Variants in CSMD2 observed in about 807,000 individuals in gnomAD.
CSMD2 encodes the protein CUB and Sushi multiple domains 2, also known as CUB and sushi domain-containing protein 2.
In CSMD2, 130 loss-of-function variants were observed where a neutral mutation model predicts 398.5. That is an observed-to-expected ratio of 0.33 (90% CI 0.28 to 0.38). The LOEUF is 0.38. Ranked by LOEUF, CSMD2 falls within the 10% of genes least tolerant of loss-of-function variation. The pLI, the probability that CSMD2 is intolerant of heterozygous loss-of-function variation, is 1.00. For synonymous variants in CSMD2, 1,828 were observed against 1,908.5 expected, an observed-to-expected ratio of 0.96 and a Z score of 1.10; for missense variants, 3,829 against 4,764.9, an observed-to-expected ratio of 0.80 and a Z score of 5.78.
intron 3 of CSMD2, among the ~76,000 whole-genome samples, chr1:33,993,077 C>A (rs1052134512): frequency 6.6e-6 from 1 of 152,046 alleles, no homozygotes; most frequent in African/African-American, 2.4e-5. Flanking sequence ...ATTGTGTGCA[C>A]ATGTATGTGT....
intron 3 of CSMD2, among the ~76,000 whole-genome samples, chr1:33,941,038 G>A (rs79199277): frequency 1.4e-3 from 211 of 151,942 alleles, no homozygotes; most frequent in African/African-American, 5.0e-3. Flanking sequence ...TACTATAACC[G>A]TTCATGCTCT....
chr1:33,684,382 GAGA>G (rs920682939), intron 25 of CSMD2, among the ~76,000 whole-genome samples: 8 of 152,322 alleles, frequency 5.3e-5, no homozygotes, highest in African/African-American at 1.9e-4. Context: ...TGTCCAGAGT[GAGA>G]AGTTCTCCAC....
At chr1:34,058,023 G>A (rs941013898) in intron 2 of CSMD2, among the ~76,000 whole-genome samples, 1 of 152,164 alleles carries the variant, frequency 6.6e-6, no homozygotes, top group East Asian at 1.9e-4. Flanking sequence ...ACTAGCCTGG[G>A]AGTAGGGGCG....
rs529023527 is a variant in CSMD2 at position 33,535,815 on chromosome 1, T to C, written c.9879+1207A>G. ...CTTCGTTCAGCCAGGAATGTCACCCTGCTCTGCACAGGGCTAGCCCTTCTC... is the reference window on the plus strand; with the variant it reads ...CTTCGTTCAGCCAGGAATGTCACCCCGCTCTGCACAGGGCTAGCCCTTCTC... On this transcript the variant is annotated intron_variant, in intron 62 of 70. Coordinates refer to ENST00000373381, the MANE Select transcript of CSMD2 (RefSeq NM_001281956.2). Among the ~76,000 whole-genome samples, 10 of 152,356 alleles carry C rather than the reference T, an allele frequency of 6.6e-5. No homozygotes were observed. In the East Asian group the frequency reaches 1.5e-3, roughly 23 times the overall value.
At chr1:34,001,114 T>C (rs1395591099) in intron 3 of CSMD2, among the ~76,000 whole-genome samples, 1 of 151,748 alleles carries the variant, frequency 6.6e-6, no homozygotes, top group Non-Finnish European at 1.5e-5. Context: ...ATCTGAAAAC[T>C]CAACTCATGA....
At chr1:33,646,918 A>T in intron 28 of CSMD2, 83 bp from the exon 29 acceptor site, 3 of 1,348,272 alleles carry the variant, frequency 2.2e-6, no homozygotes, top group Non-Finnish European at 3.0e-6. Context: ...ACCAAAGCAT[A>T]GGGCCTCCCA....
Position 33,611,266 on chromosome 1 carries a change from AG to A in CSMD2, c.6134-17del, listed in dbSNP as rs761337346. ...ATGTGAGCTCCTGGGAGCAAGACAG[AG>A]GCAGACAGTGCCCAAAGCAACACAG... On this transcript the variant is annotated splice_polypyrimidine_tract_variant and intron_variant, in intron 40 of 70. Coordinates refer to ENST00000373381, the MANE Select transcript of CSMD2 (RefSeq NM_001281956.2). The A allele has an allele frequency of 6.2e-7, 1 of 1,608,686 alleles. No homozygotes were observed. Among genetic ancestry groups the A allele is most frequent in the Non-Finnish European group, 8.5e-7 (1 of 1,175,874 alleles).
At chr1:34,082,216 G>C (rs1402397980) in intron 2 of CSMD2, among the ~76,000 whole-genome samples, 4 of 151,254 alleles carry the variant, frequency 2.6e-5, no homozygotes, top group Non-Finnish European at 5.9e-5. Flanking sequence ...CCCCGTCTGG[G>C]AAGTGAGGAG....
At chr1:34,005,690 C>T (rs904887171) in intron 3 of CSMD2, among the ~76,000 whole-genome samples, 1 of 152,206 alleles carries the variant, frequency 6.6e-6, no homozygotes, top group African/African-American at 2.4e-5. Context: ...TATAGGTCTC[C>T]TAGCACTGGA....
intron 5 of CSMD2, among the ~76,000 whole-genome samples, chr1:33,912,856 G>A (rs898759517): frequency 2.0e-5 from 3 of 151,804 alleles, no homozygotes; most frequent in Non-Finnish European, 4.4e-5. Flanking sequence ...TCTGTCTCCC[G>A]GGCTGGAGTA....
At chr1:33,745,409 A>G (rs1016593133) in intron 13 of CSMD2, among the ~76,000 whole-genome samples, 8 of 152,374 alleles carry the variant, frequency 5.3e-5, no homozygotes, top group African/African-American at 1.9e-4. Flanking sequence ...ATTTAAGTCC[A>G]TTTATAACAT....
At chr1:33,650,634 T>C (rs1013136795) in intron 28 of CSMD2, among the ~76,000 whole-genome samples, 3 of 152,166 alleles carry the variant, frequency 2.0e-5, no homozygotes, top group East Asian at 1.9e-4. Context: ...TTTGGGCCTT[T>C]ATTATAAGCA....
Position 33,767,476 on chromosome 1 carries a change from A to G in CSMD2, c.1846+5093T>C, listed in dbSNP as rs189419452. Reference sequence around the variant, plus strand: ...GAGATAGAGTTACAGCACATTATATAGGGCATGACACCATGAGATTGTCCC... The same window carrying G: ...GAGATAGAGTTACAGCACATTATATGGGGCATGACACCATGAGATTGTCCC... On this transcript the variant is annotated intron_variant, in intron 13 of 70. Transcript: ENST00000373381. 2.2e-4 allele frequency among the ~76,000 whole-genome samples: 34 copies of G among 152,302 alleles called. No individual in the cohort carries two copies. In the East Asian group the frequency reaches 6.6e-3, roughly 29 times the overall value.
At chr1:34,141,089 C>T (rs1463459290) in intron 1 of CSMD2, among the ~76,000 whole-genome samples, 1 of 152,124 alleles carries the variant, frequency 6.6e-6, no homozygotes, top group Non-Finnish European at 1.5e-5. Context: ...CCCCTGAAAA[C>T]TACCTGCTCC....
chr1:34,006,976 G>A (rs1298409074), intron 3 of CSMD2, among the ~76,000 whole-genome samples: 1 of 152,020 alleles, frequency 6.6e-6, no homozygotes, highest in Non-Finnish European at 1.5e-5. Flanking sequence ...TCTCTCCCGG[G>A]GCAGAATGCT....
intron 6 of CSMD2, among the ~76,000 whole-genome samples, chr1:33,840,846 T>G (rs1660777424): frequency 6.6e-6 from 1 of 152,144 alleles, no homozygotes; most frequent in South Asian, 2.1e-4. Flanking sequence ...CTGGAAAGTT[T>G]AGCAGATCAG....
chr1:34,003,896 T>C (rs981656901), intron 3 of CSMD2, among the ~76,000 whole-genome samples: 5 of 152,214 alleles, frequency 3.3e-5, no homozygotes, highest in Non-Finnish European at 7.3e-5. Context: ...TGGACAGCTG[T>C]TGCTTTTATT....
At chr1:33,640,795 G>T (rs1368691193) in intron 29 of CSMD2, among the ~76,000 whole-genome samples, 1 of 152,124 alleles carries the variant, frequency 6.6e-6, no homozygotes, top group South Asian at 2.1e-4. Context: ...TCCTTTAAAA[G>T]GAGGCAGAAT....
chr1:33,848,779 A>C, intron 5 of CSMD2, among the ~76,000 whole-genome samples: 1 of 150,696 alleles, frequency 6.6e-6, no homozygotes, highest in East Asian at 1.9e-4. Context: ...GAGTCATTTA[A>C]GTTTTCTAAG....
Sources: allele counts gnomAD v4.1 joint callset (sites outside exome capture counted in the v4.1 genomes callset), GRCh38; gene constraint gnomAD v4.1.1; transcripts MANE v1.5; gene names NCBI Gene and HGNC (gene_info 2026-07-23, HGNC 2026-07-21).